The following TTC39B variants were observed in gnomAD, a reference collection of about 807,000 sequenced individuals.
TTC39B encodes the protein tetratricopeptide repeat domain 39B.
Under a neutral mutation model 96.6 loss-of-function variants are expected in TTC39B, and 92 were observed. The observed-to-expected ratio is 0.95, with a 90% CI of 0.80 to 1.13. The LOEUF (loss-of-function observed/expected upper bound fraction) is 1.13. Among genes scored for constraint, TTC39B ranks in the 50% most tolerant of loss-of-function variants. The probability of loss-of-function intolerance (pLI) is 0.00; values close to 1 mark genes in which losing one functional copy is unlikely to be tolerated. For missense variants in TTC39B, 955 were observed against 809.3 expected, an observed-to-expected ratio of 1.18 and a Z score of -2.18; for synonymous variants, 367 against 299.4, an observed-to-expected ratio of 1.23 and a Z score of -2.33.
At chr9:15,235,528 C>T (rs1821738480) in intron 2 of TTC39B, among the ~76,000 whole-genome samples, 1 of 152,052 alleles carries the variant, frequency 6.6e-6, no homozygotes, top group African/African-American at 2.4e-5. Flanking sequence ...TATCCAAGGT[C>T]AACACTAAAG....
Position 15,214,151 on chromosome 9 carries a change from A to G in TTC39B, c.470T>C (p.Leu157Ser), listed in dbSNP as rs766972376. Reference sequence around the variant, plus strand: ...CAAAGTAAATTACCAGGGGCGAAGCAATTCTAAGGCGTCTGTAAATTTGTT... The same window carrying G: ...CAAAGTAAATTACCAGGGGCGAAGCGATTCTAAGGCGTCTGTAAATTTGTT... Residue 157 changes from leucine to serine, a missense_variant, in exon 4 of 20, where the codon TTG becomes TCG. Leu to Ser is a moderately radical substitution (Grantham distance 145). Coordinates refer to ENST00000512701, the Ensembl canonical transcript of TTC39B. 3.1e-6 allele frequency: 5 copies of G among 1,613,244 alleles called. No individual in the cohort carries two copies. In the African/African-American group the frequency reaches 6.7e-5, roughly 22 times the overall value.
chr9:15,207,073 C>T (rs1819906219), intron 6 of TTC39B, among the ~76,000 whole-genome samples: 1 of 152,210 alleles, frequency 6.6e-6, no homozygotes, highest in South Asian at 2.1e-4. Context: ...AGGTACCTTG[C>T]TTCCTCTTTG....
intron 1 of TTC39B, among the ~76,000 whole-genome samples, chr9:15,305,289 GC>G (rs1164775252): frequency 6.6e-6 from 1 of 152,158 alleles, no homozygotes; most frequent in African/African-American, 2.4e-5. Context: ...CCATAAAGAG[GC>G]AAAACTATGC....
chr9:15,183,035 T>C (rs911684979), intron 16 of TTC39B, among the ~76,000 whole-genome samples: 2 of 152,204 alleles, frequency 1.3e-5, no homozygotes, highest in African/African-American at 2.4e-5. Flanking sequence ...CAAAAGCAAA[T>C]GTGCTTTTGC....
chr9:15,244,825 G>A (rs1480046251), intron 2 of TTC39B, among the ~76,000 whole-genome samples: 1 of 152,112 alleles, frequency 6.6e-6, no homozygotes, highest in Admixed American at 6.5e-5. Flanking sequence ...CTGAATGGGG[G>A]GGACATTGTC....
At chr9:15,208,910 A>C (rs567219848) in intron 6 of TTC39B, among the ~76,000 whole-genome samples, 1 of 152,224 alleles carries the variant, frequency 6.6e-6, no homozygotes, top group Non-Finnish European at 1.5e-5. Context: ...AAACTTCCTA[A>C]TAAAACACAC....
intron 17 of TTC39B, among the ~76,000 whole-genome samples, chr9:15,179,411 A>G (rs901998001): frequency 5.3e-5 from 8 of 152,190 alleles, no homozygotes; most frequent in Non-Finnish European, 1.0e-4. Context: ...GAGATTAACA[A>G]TGCTACTTAA....
chr9:15,203,346 G>T (rs1312199480), intron 7 of TTC39B, among the ~76,000 whole-genome samples: 3 of 152,076 alleles, frequency 2.0e-5, no homozygotes, highest in Non-Finnish European at 4.4e-5. Flanking sequence ...CACCTCCCAG[G>T]TTCAAGTGAT....
At chr9:15,251,975 C>T (rs979467538) in intron 2 of TTC39B, among the ~76,000 whole-genome samples, 1 of 151,850 alleles carries the variant, frequency 6.6e-6, no homozygotes, top group African/African-American at 2.4e-5. Flanking sequence ...GGTCCCTGCT[C>T]CCCTGGAGCT....
rs544104276 is a variant in TTC39B at position 15,275,288 on chromosome 9, G to A, written c.241-7340C>T. ...ACTCCTGACCTCAGGTGATCTGCCC[G>A]CCTCGGCCTCCCAAAGTGCTGGGAT... On this transcript the variant is annotated intron_variant, in intron 1 of 19. Transcript: ENST00000512701. Among the ~76,000 whole-genome samples the A allele has an allele frequency of 4.8e-4, 73 of 152,234 alleles. 1 individual carries two copies. The highest frequency in any genetic ancestry group is 3.1e-3 in the South Asian group (15 of 4,820).
intron 2 of TTC39B, among the ~76,000 whole-genome samples, chr9:15,263,872 C>T (rs1823029461): frequency 6.6e-6 from 1 of 152,146 alleles, no homozygotes; most frequent in African/African-American, 2.4e-5. Context: ...GAAAAGGACA[C>T]ACAAACGTTT....
intron 1 of TTC39B, among the ~76,000 whole-genome samples, chr9:15,291,819 A>G (rs972757573): frequency 2.6e-5 from 4 of 152,204 alleles, no homozygotes; most frequent in African/African-American, 9.6e-5. Context: ...CTAGCAAGGC[A>G]TGCGGGAAAG....
chr9:15,195,634 C>T (rs1016455052), intron 8 of TTC39B, among the ~76,000 whole-genome samples: 2 of 137,868 alleles, frequency 1.5e-5, no homozygotes, highest in Non-Finnish European at 3.0e-5. Context: ...CGTGCCACTG[C>T]ACTCCAGCCT....
At chr9:15,291,631 A>T (rs563021884) in intron 1 of TTC39B, among the ~76,000 whole-genome samples, 1 of 152,334 alleles carries the variant, frequency 6.6e-6, no homozygotes, top group African/African-American at 2.4e-5. Flanking sequence ...GCTGCTATTT[A>T]TCCAACATGT....
intron 1 of TTC39B, among the ~76,000 whole-genome samples, chr9:15,297,853 G>A (rs562426991): frequency 2.6e-5 from 4 of 152,066 alleles, no homozygotes; most frequent in Admixed American, 6.5e-5. Flanking sequence ...GTCTCTGAAC[G>A]GCCCTTCTTA....
chr9:15,199,767 A>AAAAAC, intron 8 of TTC39B, 94 bp downstream of exon 8: 2 of 406,024 alleles, frequency 4.9e-6, no homozygotes, highest in South Asian at 3.1e-5. Flanking sequence ...AAAAAAAAAA[A>AAAAAC]ATCCTAGTCA....
chr9:15,243,110 G>A (rs1256628950), intron 2 of TTC39B, among the ~76,000 whole-genome samples: 1 of 152,212 alleles, frequency 6.6e-6, no homozygotes, highest in Non-Finnish European at 1.5e-5. Flanking sequence ...TCCCCAGACA[G>A]GGGCCATCTG....
intron 3 of TTC39B, among the ~76,000 whole-genome samples, chr9:15,225,489 T>C (rs1194233553): frequency 6.6e-6 from 1 of 152,100 alleles, no homozygotes; most frequent in East Asian, 1.9e-4. Flanking sequence ...TACAACTGTA[T>C]CAAGAAGCAC....
intron 2 of TTC39B, among the ~76,000 whole-genome samples, chr9:15,227,247 G>A (rs1395875260): frequency 6.6e-6 from 1 of 151,790 alleles, no homozygotes; most frequent in Admixed American, 6.6e-5. Context: ...GGCGGAGGTT[G>A]CGGTGAGCCA....
Sources: gnomAD v4.1 joint callset for allele counts (sites outside exome capture counted in the v4.1 genomes callset) on GRCh38, gnomAD v4.1.1 for gene constraint, MANE v1.5 for transcripts, NCBI Gene and HGNC (gene_info 2026-07-23, HGNC 2026-07-21) for gene names.